MRTFB: variants seen among roughly 807,000 people sequenced by gnomAD.
MRTFB encodes the protein myocardin-related transcription factor B.
In MRTFB, 29 loss-of-function variants were observed where a neutral mutation model predicts 104.2. The ratio of observed to expected loss-of-function variants is 0.28; its 90% CI spans 0.21 to 0.38. MRTFB has a LOEUF of 0.38. MRTFB is among the 10% of genes least tolerant of loss of function. The pLI, the probability that MRTFB is intolerant of heterozygous loss-of-function variation, is 1.00. For synonymous variants in MRTFB, 535 were observed against 519.5 expected (o/e 1.03, Z -0.41); for missense variants, 1,270 against 1,341.6 (o/e 0.95, Z 0.83).
chr16:14,247,699 C>T, intron 12 of MRTFB, 192 bp downstream of exon 12: 1 of 597,572 alleles, frequency 1.7e-6, no homozygotes, highest in South Asian at 2.2e-5. Context: ...GTGAAAAAAA[C>T]ACAGGATGCT....
At chr16:14,005,655 A>G in the MRTFB span, among the ~76,000 whole-genome samples, 1 of 152,136 alleles carries the variant, frequency 6.6e-6, no homozygotes, top group South Asian at 2.1e-4. Context: ...AACACCAACT[A>G]TGGGAAAGCA....
At chr16:14,035,649 C>T in the MRTFB span, among the ~76,000 whole-genome samples, 264 of 152,200 alleles carry the variant, frequency 1.7e-3, 1 homozygote, top group Non-Finnish European at 2.7e-3. Context: ...GATGAGAAAA[C>T]TGAGGCTCTG....
intron 3 of MRTFB, among the ~76,000 whole-genome samples, chr16:14,150,136 C>T (rs1356071870): frequency 6.6e-6 from 1 of 152,144 alleles, no homozygotes; most frequent in Non-Finnish European, 1.5e-5. Flanking sequence ...TTAGCCACAC[C>T]ATTACTAGCT....
the MRTFB span, among the ~76,000 whole-genome samples, chr16:14,002,919 G>C: frequency 2.0e-5 from 3 of 152,142 alleles, no homozygotes; most frequent in East Asian, 5.8e-4. Flanking sequence ...GGGGCTGTTC[G>C]TGAGGTTCTG....
chr16:14,089,593 C>T (rs936140492), intron 2 of MRTFB, among the ~76,000 whole-genome samples: 2 of 152,152 alleles, frequency 1.3e-5, no homozygotes, highest in African/African-American at 4.8e-5. Flanking sequence ...TGAACATTTG[C>T]ATATAAATTT....
intron 16 of MRTFB, among the ~76,000 whole-genome samples, chr16:14,259,181 T>A (rs1459850024): frequency 6.6e-6 from 1 of 152,234 alleles, no homozygotes; most frequent in Non-Finnish European, 1.5e-5. Context: ...ATGCCTATAA[T>A]CCCAGCACTT....
chr16:14,232,458 C>T (rs553138270), intron 8 of MRTFB, among the ~76,000 whole-genome samples: 28 of 152,282 alleles, frequency 1.8e-4, no homozygotes, highest in African/African-American at 6.5e-4. Flanking sequence ...GGGCTCTTTG[C>T]GGGCAGAAGT....
chr16:14,101,132 T>G (rs894349062), intron 2 of MRTFB, among the ~76,000 whole-genome samples: 2 of 151,730 alleles, frequency 1.3e-5, no homozygotes, highest in East Asian at 1.9e-4. Flanking sequence ...GTAGGGTTTT[T>G]TTTTTTTTTT....
Position 14,256,862 on chromosome 16 carries a change from A to T in MRTFB, c.2704-1239A>T, listed in dbSNP as rs139003365. ...CATACTTTAAATACAAAGACCACTG[A>T]AAGTAAATGGCTGGAAAAAGATAGA... On this transcript the variant is annotated intron_variant, in intron 15 of 16. Coordinates refer to ENST00000571589, the MANE Select transcript of MRTFB (RefSeq NM_001308142.2). Among the ~76,000 whole-genome samples, 386 of 152,368 alleles carry T rather than the reference A, an allele frequency of 2.5e-3. 1 individual carries two copies. Among genetic ancestry groups the T allele is most frequent in the African/African-American group, 8.8e-3 (366 of 41,586 alleles).
rs1567232456 is a variant in MRTFB, at chr16:14,261,584, G to C, written c.*140G>C. ...CAGAAAGAATAGGTGGAAGGTCATA[G>C]CCTGGAACCCAAGTTTGAAAACATT... is the stretch of plus-strand genomic sequence containing the variant. On this transcript the variant is annotated 3_prime_UTR_variant, in exon 17 of 17. Coordinates refer to ENST00000571589, the MANE Select transcript of MRTFB (RefSeq NM_001308142.2). 1 of 840,060 alleles carries C rather than the reference G, an allele frequency of 1.2e-6. No individual in the cohort carries two copies. The highest frequency in any genetic ancestry group is 1.8e-6 in the Non-Finnish European group (1 of 559,976). The allele number at this position is 840,060 out of a possible 1,614,324, so 52.0% of individuals were successfully genotyped here.
At chr16:14,260,708 T>G (rs939312070) in intron 16 of MRTFB, among the ~76,000 whole-genome samples, 3 of 152,178 alleles carry the variant, frequency 2.0e-5, no homozygotes, top group Non-Finnish European at 2.9e-5. Flanking sequence ...AACTTTTATG[T>G]TTATCTATTT....
intron 3 of MRTFB, chr16:14,150,843 C>T (rs779081592): frequency 1.6e-4 from 25 of 152,198 alleles, no homozygotes; most frequent in Non-Finnish European, 2.8e-4. Context: ...TCAACTTTTT[C>T]TTCTAATGTC....
intron 3 of MRTFB, among the ~76,000 whole-genome samples, chr16:14,168,661 A>G (rs930373914): frequency 3.3e-5 from 5 of 152,174 alleles, no homozygotes; most frequent in African/African-American, 4.8e-5. Flanking sequence ...ACACTTTCCA[A>G]TCTGAGGCTA....
intron 5 of MRTFB, 152 bp downstream of exon 5, chr16:14,212,561 C>G (rs2041239455): frequency 1.4e-6 from 1 of 726,820 alleles, no homozygotes; most frequent in African/African-American, 1.8e-5. Context: ...AATATTTACT[C>G]TGGGATAGTT....
chr16:14,194,487 G>A (rs1447654854), intron 3 of MRTFB, among the ~76,000 whole-genome samples: 1 of 152,164 alleles, frequency 6.6e-6, no homozygotes, highest in East Asian at 1.9e-4. Flanking sequence ...TCACATTGGG[G>A]GTTAGGGCTT....
At chr16:14,137,657 A>T (rs1358110445) in intron 2 of MRTFB, among the ~76,000 whole-genome samples, 2 of 152,130 alleles carry the variant, frequency 1.3e-5, no homozygotes, top group East Asian at 3.8e-4. Context: ...GTAATTTGAC[A>T]TGCAGATTCA....
At chr16:14,243,553 AGTTGGAAGATGTTAG>A (rs1176961724) in intron 10 of MRTFB, among the ~76,000 whole-genome samples, 1 of 152,220 alleles carries the variant, frequency 6.6e-6, no homozygotes, top group East Asian at 1.9e-4. Flanking sequence ...AGAGTATCAC[AGTTGGAAGATGTTAG>A]GTGGGGATCT....
chr16:14,122,359 C>T (rs1183174053), intron 2 of MRTFB, among the ~76,000 whole-genome samples: 3 of 151,704 alleles, frequency 2.0e-5, no homozygotes, highest in Non-Finnish European at 4.4e-5. Context: ...TGTATATACA[C>T]GTGCCATGGT....
intron 3 of MRTFB, chr16:14,153,293 T>A (rs2038705554): frequency 6.6e-6 from 1 of 152,212 alleles, no homozygotes; most frequent in Non-Finnish European, 1.5e-5. Flanking sequence ...ATTTAACTAG[T>A]CATGATCTTA....
Sources: gnomAD v4.1 joint callset for allele counts (sites outside exome capture counted in the v4.1 genomes callset) on GRCh38, gnomAD v4.1.1 for gene constraint, MANE v1.5 for transcripts, NCBI Gene and HGNC (gene_info 2026-07-23, HGNC 2026-07-21) for gene names.